GLIS3: variants seen among roughly 807,000 people sequenced by gnomAD.
GLIS3 encodes the protein zinc finger protein GLIS3.
A neutral mutation model predicts 78.6 loss-of-function variants in GLIS3; 53 were observed. That is an observed-to-expected ratio of 0.67 (90% CI 0.54 to 0.85). The LOEUF (loss-of-function observed/expected upper bound fraction) is 0.85. GLIS3 is among the 40% of genes least tolerant of loss of function. The pLI is 0.00. For missense variants in GLIS3, 1,703 were observed against 1,231.1 expected, an observed-to-expected ratio of 1.38 and a Z score of -5.74; for synonymous variants, 684 against 509.9, an observed-to-expected ratio of 1.34 and a Z score of -4.60.
chr9:4,489,145 G>A, the GLIS3 span, among the ~76,000 whole-genome samples: 138 of 152,232 alleles, frequency 9.1e-4, no homozygotes, highest in African/African-American at 3.2e-3. Flanking sequence ...GAGATTACAG[G>A]CAAGAGCCAC....
the GLIS3 span, among the ~76,000 whole-genome samples, chr9:4,438,571 T>G: frequency 6.6e-6 from 1 of 152,334 alleles, no homozygotes; most frequent in African/African-American, 2.4e-5. Context: ...TTCATTACTT[T>G]GCATGTTGAC....
At chr9:4,143,966 C>T (rs568285558) in intron 2 of GLIS3, among the ~76,000 whole-genome samples, 58 of 152,300 alleles carry the variant, frequency 3.8e-4, no homozygotes, top group Non-Finnish European at 7.2e-4. Context: ...AGAGAATAGA[C>T]GACGTCTCCC....
chr9:4,367,680 T>G, the GLIS3 span, among the ~76,000 whole-genome samples: 1 of 142,272 alleles, frequency 7.0e-6, no homozygotes, highest in Non-Finnish European at 1.5e-5. Flanking sequence ...GAGCAGATAC[T>G]CTGTCATTCT....
At chr9:4,099,732 G>C (rs1830224446) in intron 4 of GLIS3, among the ~76,000 whole-genome samples, 1 of 152,216 alleles carries the variant, frequency 6.6e-6, no homozygotes, top group African/African-American at 2.4e-5. Flanking sequence ...TGTTTTGCAG[G>C]ATACAATAAG....
At chr9:3,932,084 T>C (rs1263510388) in intron 6 of GLIS3, among the ~76,000 whole-genome samples, 1 of 152,234 alleles carries the variant, frequency 6.6e-6, no homozygotes, top group Non-Finnish European at 1.5e-5. Context: ...TCCTTACTTT[T>C]CTCTGATTCC....
At position 3,827,700 on chromosome 9, in the gene GLIS3, ATT is replaced by A. The variant is rs1311706559; in HGVS notation, c.*570_*571del. On this transcript the variant is annotated 3_prime_UTR_variant, in exon 11 of 11. Coordinates refer to ENST00000381971, the MANE Select transcript of GLIS3 (RefSeq NM_001042413.2). The stretch of plus-strand genomic sequence containing the variant: ...CTGGCATATAAAACCTTATTTTTCT[ATT>A]GAAGAGAAACACTGAGAAGCAACTG... 1 of 156,292 alleles carries A rather than the reference ATT, an allele frequency of 6.4e-6. No homozygotes were observed. The highest frequency in any genetic ancestry group is 1.4e-5 in the Non-Finnish European group (1 of 70,276). The allele number at this position is 156,292 out of a possible 1,614,324, so 9.7% of individuals were successfully genotyped here.
chr9:4,266,590 G>T (rs550849071), intron 2 of GLIS3, among the ~76,000 whole-genome samples: 7 of 96,238 alleles, frequency 7.3e-5, no homozygotes, highest in South Asian at 4.1e-4. Flanking sequence ...ACATGCATGC[G>T]CGTGTACACA....
chr9:4,347,690 C>T (rs1167978319), intron 1 of GLIS3, among the ~76,000 whole-genome samples: 1 of 151,996 alleles, frequency 6.6e-6, no homozygotes, highest in Non-Finnish European at 1.5e-5. Flanking sequence ...ATAAACCTCA[C>T]ATGGTAGCTT....
the GLIS3 span, among the ~76,000 whole-genome samples, chr9:4,393,082 T>C: frequency 3.1e-4 from 47 of 152,316 alleles, no homozygotes; most frequent in African/African-American, 9.6e-4. Context: ...TTGTAATCAA[T>C]GGCAGTCTTT....
At chr9:4,093,531 A>C (rs1057254402) in intron 4 of GLIS3, among the ~76,000 whole-genome samples, 1 of 152,202 alleles carries the variant, frequency 6.6e-6, no homozygotes, top group Non-Finnish European at 1.5e-5. Flanking sequence ...CTGGCCCTAA[A>C]TCCAAAGTCA....
intron 5 of GLIS3, among the ~76,000 whole-genome samples, chr9:3,934,431 A>ATATATATTTTTATTCCAAAATGATT (rs1825783039): frequency 7.2e-6 from 1 of 139,576 alleles, no homozygotes; most frequent in African/African-American, 2.7e-5. Context: ...TTTTTTTGAG[A>ATATATATTTTTATTCCAAAATGATT]TGGAGTCGCA....
intron 4 of GLIS3, among the ~76,000 whole-genome samples, chr9:4,089,364 A>C (rs956214332): frequency 6.6e-6 from 1 of 152,192 alleles, no homozygotes; most frequent in African/African-American, 2.4e-5. Context: ...TTCCTTTACA[A>C]ACGTTTTAAG....
the GLIS3 span, among the ~76,000 whole-genome samples, chr9:4,474,336 T>C: frequency 8.0e-3 from 1,216 of 152,232 alleles, 22 homozygotes; most frequent in African/African-American, 0.027. Flanking sequence ...TGAAACCCCA[T>C]CTCTACAAAA....
chr9:4,467,093 T>C, the GLIS3 span, among the ~76,000 whole-genome samples: 2,329 of 152,302 alleles, frequency 0.015, 58 homozygotes, highest in African/African-American at 0.053. Flanking sequence ...GAGGGGCATC[T>C]GCCATTGCTG....
At chr9:4,420,874 AT>A in the GLIS3 span, among the ~76,000 whole-genome samples, 1 of 152,252 alleles carries the variant, frequency 6.6e-6, no homozygotes, top group South Asian at 2.1e-4. Flanking sequence ...ATTGTTATAT[AT>A]TTTCCCCAAG....
chr9:4,094,461 G>T (rs903437086), intron 4 of GLIS3, among the ~76,000 whole-genome samples: 1 of 152,152 alleles, frequency 6.6e-6, no homozygotes, highest in Non-Finnish European at 1.5e-5. Flanking sequence ...TTACGTGCCA[G>T]TGCTATAAAG....
At chr9:4,263,212 A>G (rs1350226272) in intron 2 of GLIS3, among the ~76,000 whole-genome samples, 1 of 152,192 alleles carries the variant, frequency 6.6e-6, no homozygotes, top group Non-Finnish European at 1.5e-5. Flanking sequence ...TAAACTTCTC[A>G]GTGGCTCACA....
At chr9:4,184,492 C>T (rs750878580) in intron 2 of GLIS3, among the ~76,000 whole-genome samples, 1 of 152,214 alleles carries the variant, frequency 6.6e-6, no homozygotes, top group Admixed American at 6.5e-5. Flanking sequence ...CCTTGGTGAG[C>T]ATCTGAGACT....
At chr9:4,249,342 C>T (rs1330032640) in intron 2 of GLIS3, among the ~76,000 whole-genome samples, 2 of 152,104 alleles carry the variant, frequency 1.3e-5, no homozygotes, top group East Asian at 3.9e-4. Flanking sequence ...CTTCACATCC[C>T]TTCTAAGTTG....
Sources: gnomAD v4.1 joint callset for allele counts (sites outside exome capture counted in the v4.1 genomes callset) on GRCh38, gnomAD v4.1.1 for gene constraint, MANE v1.5 for transcripts, NCBI Gene and HGNC (gene_info 2026-07-23, HGNC 2026-07-21) for gene names.